CYRIB: variants seen among roughly 807,000 people sequenced by gnomAD.
CYRIB encodes the protein CYFIP related Rac1 interactor B.
CYRIB carries 8 observed loss-of-function variants against 44.2 expected under a neutral mutation model. The observed-to-expected ratio is 0.18, with a 90% CI of 0.11 to 0.33. The LOEUF (loss-of-function observed/expected upper bound fraction) is 0.33, where lower values mean the gene tolerates loss of function less well. CYRIB is among the 10% of genes least tolerant of loss of function. CYRIB has a pLI of 1.00. For synonymous variants in CYRIB, 131 were observed against 127.2 expected (o/e 1.03, Z -0.20); for missense variants, 185 against 382.8 (o/e 0.48, Z 4.31).
intron 11 of CYRIB, among the ~76,000 whole-genome samples, chr8:129,844,901 G>A (rs1006203455): frequency 5.3e-5 from 8 of 152,086 alleles, no homozygotes; most frequent in Non-Finnish European, 1.0e-4. Flanking sequence ...CATCAGCTAG[G>A]GTGTTTGTTT....
chr8:129,940,805 A>G (rs554792798), upstream of CYRIB, among the ~76,000 whole-genome samples: 64 of 152,308 alleles, frequency 4.2e-4, no homozygotes, highest in South Asian at 2.3e-3. Context: ...CACAGGCCCA[A>G]CTGAAAATAC....
intron 1 of CYRIB, among the ~76,000 whole-genome samples, chr8:129,985,795 A>G (rs1315872035): frequency 1.3e-5 from 2 of 152,140 alleles, no homozygotes; most frequent in Non-Finnish European, 2.9e-5. Context: ...CAACAAATCA[A>G]TGCAACATTC....
rs576054449 is a variant in CYRIB at position 129,857,752 on chromosome 8, C to T, written c.302-2005G>A. ...TATATTTTAAAAATGGTTTACTTCT[C>T]CCAAGATTCATTCTTTCTGTTGGTG... is the stretch of plus-strand genomic sequence containing the variant. On this transcript the variant is annotated intron_variant, in intron 5 of 11. Coordinates refer to ENST00000519824, the Ensembl canonical transcript of CYRIB. Among the ~76,000 whole-genome samples the T allele has an allele frequency of 2.1e-4, 32 of 152,288 alleles. 1 individual carries two copies. The highest frequency in any genetic ancestry group is 7.2e-4 in the African/African-American group (30 of 41,550).
chr8:129,953,101 G>A lies in CYRIB; in HGVS notation c.-243+17842C>T, dbSNP rs533565042. Reference sequence around the variant, plus strand: ...CATTTCATCTAGGGTCACCTACTTGGGGGACATAGAGTGTAGGAAACAGAC... The same window carrying A: ...CATTTCATCTAGGGTCACCTACTTGAGGGACATAGAGTGTAGGAAACAGAC... On this transcript the variant is annotated intron_variant, in intron 2 of 14. Coordinates refer to the CYRIB transcript ENST00000401979. Among the ~76,000 whole-genome samples the A allele has an allele frequency of 6.6e-5, 10 of 152,266 alleles. No homozygotes were observed. In the South Asian group the frequency reaches 1.2e-3, roughly 19 times the overall value.
exon 3 of CYRIB, chr8:129,879,414 C>A: frequency 1.2e-6 from 2 of 1,611,862 alleles, no homozygotes; most frequent in Non-Finnish European, 1.7e-6. Flanking sequence ...AAAAATTTGG[C>A]CCCTGCTCAA....
At chr8:130,008,067 G>A (rs1452529661) in intron 1 of CYRIB, among the ~76,000 whole-genome samples, 1 of 151,942 alleles carries the variant, frequency 6.6e-6, no homozygotes, top group Non-Finnish European at 1.5e-5. Flanking sequence ...AAATTAGCCA[G>A]GTATGGTTGC....
chr8:129,996,065 C>T (rs1564710052), intron 1 of CYRIB, among the ~76,000 whole-genome samples: 1 of 152,200 alleles, frequency 6.6e-6, no homozygotes, highest in African/African-American at 2.4e-5. Context: ...ATAATACCAG[C>T]GCTTACCATT....
intron 1 of CYRIB, among the ~76,000 whole-genome samples, chr8:129,973,028 C>T (rs1406779283): frequency 6.6e-6 from 1 of 152,200 alleles, no homozygotes; most frequent in East Asian, 1.9e-4. Context: ...CACTCATTCA[C>T]TCAATAGCTA....
intron 1 of CYRIB, among the ~76,000 whole-genome samples, chr8:129,917,397 TCTAA>T (rs1173077009): frequency 6.6e-6 from 1 of 152,174 alleles, no homozygotes; most frequent in African/African-American, 2.4e-5. Context: ...TCTAATCTTT[TCTAA>T]CTAATTCTCC....
chr8:129,864,021 G>T (rs2051796385), intron 4 of CYRIB, among the ~76,000 whole-genome samples: 1 of 152,094 alleles, frequency 6.6e-6, no homozygotes, highest in Admixed American at 6.6e-5. Flanking sequence ...CAAAAATTCA[G>T]GAAAGCAAAA....
At chr8:129,880,570 T>C (rs1483482037) in intron 2 of CYRIB, 3 of 300,534 alleles carry the variant, frequency 1.0e-5, no homozygotes, top group Admixed American at 6.5e-5. Flanking sequence ...CAGGTTTATA[T>C]GCTTTTGGCA....
At position 129,872,957 on chromosome 8, in the gene CYRIB, G is replaced by A. The variant is rs1412890956; in HGVS notation, c.74-1461C>T. Reference sequence around the variant, plus strand: ...CTGGGAGTAAAGATCCCTAAAAACGGTAACGTTATTTTGTGCTTGGAGCAA... The same window carrying A: ...CTGGGAGTAAAGATCCCTAAAAACGATAACGTTATTTTGTGCTTGGAGCAA... On this transcript the variant is annotated intron_variant, in intron 3 of 11. Coordinates refer to ENST00000519824, the Ensembl canonical transcript of CYRIB. 2.6e-5 allele frequency among the ~76,000 whole-genome samples: 4 copies of A among 151,986 alleles called. No individual in the cohort carries two copies. In the East Asian group the frequency reaches 7.7e-4, roughly 29 times the overall value.
chr8:129,977,868 A>G (rs1198645266), intron 1 of CYRIB, among the ~76,000 whole-genome samples: 2 of 152,116 alleles, frequency 1.3e-5, no homozygotes, highest in African/African-American at 2.4e-5. Context: ...AAGCACCTTG[A>G]GGGTGGACAT....
intron 2 of CYRIB, among the ~76,000 whole-genome samples, chr8:129,945,228 G>A (rs920561501): frequency 6.6e-6 from 1 of 152,234 alleles, no homozygotes; most frequent in Admixed American, 6.5e-5. Context: ...TGGTTTTCAT[G>A]TCCTAACTCC....
intron 1 of CYRIB, among the ~76,000 whole-genome samples, chr8:130,004,213 C>T (rs1255766653): frequency 3.3e-5 from 5 of 152,150 alleles, no homozygotes; most frequent in African/African-American, 2.4e-5. Context: ...TAGCACATTC[C>T]GAAGATGCCC....
chr8:129,964,492 G>T (rs555180458), intron 2 of CYRIB, among the ~76,000 whole-genome samples: 2 of 152,160 alleles, frequency 1.3e-5, no homozygotes, highest in Non-Finnish European at 2.9e-5. Context: ...TGGGTTACCC[G>T]TTTCCAAAAC....
At chr8:129,980,480 T>C (rs1371988126) in intron 1 of CYRIB, among the ~76,000 whole-genome samples, 1 of 152,156 alleles carries the variant, frequency 6.6e-6, no homozygotes, top group Non-Finnish European at 1.5e-5. Flanking sequence ...TTTCAAGAAG[T>C]CCAGTTCAGC....
chr8:129,867,530 G>C (rs2054424673), intron 4 of CYRIB, among the ~76,000 whole-genome samples: 1 of 151,338 alleles, frequency 6.6e-6, no homozygotes, highest in Non-Finnish European at 1.5e-5. Context: ...TAGACAATAA[G>C]CATTGTTTAT....
chr8:129,963,664 G>C (rs1248836357), intron 2 of CYRIB, among the ~76,000 whole-genome samples: 1 of 152,158 alleles, frequency 6.6e-6, no homozygotes, highest in African/African-American at 2.4e-5. Context: ...TCATCTTACA[G>C]TAAACTAAAA....
Sources: gnomAD v4.1 joint callset for allele counts (sites outside exome capture counted in the v4.1 genomes callset) on GRCh38, gnomAD v4.1.1 for gene constraint, MANE v1.5 for transcripts, NCBI Gene and HGNC (gene_info 2026-07-23, HGNC 2026-07-21) for gene names.